The following REDIC1 variants were observed in gnomAD, a reference collection of about 807,000 sequenced individuals.
The protein encoded by REDIC1 is HEI10 Interacting Protein 1.
chr12:39,680,562 AGT>A, the REDIC1 span, among the ~76,000 whole-genome samples: 1 of 152,244 alleles, frequency 6.6e-6, no homozygotes, highest in Non-Finnish European at 1.5e-5. Context: ...TATGGAAAAC[AGT>A]ATGGAGACTC....
the REDIC1 span, among the ~76,000 whole-genome samples, chr12:39,891,677 C>T: frequency 6.6e-6 from 1 of 152,058 alleles, no homozygotes; most frequent in South Asian, 2.1e-4. Context: ...TGCAATTTTA[C>T]ATATTAGAAA....
the REDIC1 span, chr12:39,716,604 G>C: frequency 5.6e-6 from 3 of 536,590 alleles, no homozygotes; most frequent in African/African-American, 2.1e-5. Context: ...AAGGTGCCAA[G>C]TATCCACAAT....
the REDIC1 span, chr12:39,721,076 G>A: frequency 6.2e-7 from 1 of 1,613,678 alleles, no homozygotes; most frequent in Non-Finnish European, 8.5e-7. Flanking sequence ...TGTGATGCAG[G>A]GATACAAACA....
chr12:39,852,466 G>A, the REDIC1 span, among the ~76,000 whole-genome samples: 3 of 152,194 alleles, frequency 2.0e-5, no homozygotes, highest in Non-Finnish European at 4.4e-5. Context: ...ATTGCTTAGA[G>A]AATAAAGAGG....
chr12:39,712,286 CTG>C, the REDIC1 span, among the ~76,000 whole-genome samples: 82 of 124,418 alleles, frequency 6.6e-4, 1 homozygote, highest in African/African-American at 1.6e-3. Flanking sequence ...GTATATATAC[CTG>C]TATGTATATA....
At chr12:39,712,184 GTATATGTACATACATATATA>G in the REDIC1 span, among the ~76,000 whole-genome samples, 1 of 134,068 alleles carries the variant, frequency 7.5e-6, no homozygotes, top group South Asian at 2.3e-4. Flanking sequence ...ATACCTGTAT[GTATATGTACATACATATATA>G]CATATGTATA....
At chr12:39,751,076 C>T in the REDIC1 span, among the ~76,000 whole-genome samples, 1 of 152,160 alleles carries the variant, frequency 6.6e-6, no homozygotes, top group Non-Finnish European at 1.5e-5. Context: ...TCTAATTAAA[C>T]TAAAGAGCTT....
the REDIC1 span, among the ~76,000 whole-genome samples, chr12:39,847,868 T>C: frequency 5.9e-5 from 9 of 152,162 alleles, no homozygotes; most frequent in Non-Finnish European, 1.3e-4. Context: ...TACCCAAGTC[T>C]CCAACATCTC....
At chr12:39,633,406 T>C in the REDIC1 span, among the ~76,000 whole-genome samples, 1 of 152,156 alleles carries the variant, frequency 6.6e-6, no homozygotes, top group African/African-American at 2.4e-5. Context: ...GGAGCTACCA[T>C]CTCCTATGAT....
At chr12:39,732,917 G>A in the REDIC1 span, among the ~76,000 whole-genome samples, 14 of 152,214 alleles carry the variant, frequency 9.2e-5, 1 homozygote, top group South Asian at 2.9e-3. Flanking sequence ...CTTATTGTGT[G>A]TATTTTCTGC....
the REDIC1 span, among the ~76,000 whole-genome samples, chr12:39,712,153 C>CATGTATATGTACATGTATATGTACCTGT: frequency 1.1e-5 from 1 of 95,072 alleles, no homozygotes; most frequent in African/African-American, 3.4e-5. Flanking sequence ...TACATCTATA[C>CATGTATATGTACATGTATATGTACCTGT]ATGTATATGT....
the REDIC1 span, among the ~76,000 whole-genome samples, chr12:39,705,003 C>A: frequency 6.6e-6 from 1 of 151,964 alleles, no homozygotes; most frequent in Non-Finnish European, 1.5e-5. Context: ...AGTGCACCAA[C>A]ATGGCACATG....
chr12:39,756,458 T>C, the REDIC1 span: 1 of 151,840 alleles, frequency 6.6e-6, no homozygotes, highest in Non-Finnish European at 1.5e-5. Flanking sequence ...ACAAAACGTC[T>C]CATTAATTTT....
chr12:39,894,768 G>A, the REDIC1 span, among the ~76,000 whole-genome samples: 1 of 151,882 alleles, frequency 6.6e-6, no homozygotes, highest in African/African-American at 2.4e-5. Flanking sequence ...GGCAGCACAA[G>A]AATATAACAG....
At chr12:39,856,042 T>G in the REDIC1 span, among the ~76,000 whole-genome samples, 1 of 152,188 alleles carries the variant, frequency 6.6e-6, no homozygotes, top group Non-Finnish European at 1.5e-5. Context: ...GCTGTAGCCA[T>G]GAGTAGAAGT....
chr12:39,724,419 C>T, the REDIC1 span, among the ~76,000 whole-genome samples: 2 of 152,098 alleles, frequency 1.3e-5, no homozygotes, highest in East Asian at 3.9e-4. Flanking sequence ...CTGAGTTCCT[C>T]AGAAGGATTA....
chr12:39,810,994 A>C, the REDIC1 span, among the ~76,000 whole-genome samples: 388 of 152,222 alleles, frequency 2.5e-3, 2 homozygotes, highest in Admixed American at 0.022. Flanking sequence ...GAGTTTATAT[A>C]GGATTGGCAT....
chr12:39,877,933 T>G, the REDIC1 span, among the ~76,000 whole-genome samples: 1 of 152,118 alleles, frequency 6.6e-6, no homozygotes, highest in African/African-American at 2.4e-5. Context: ...TCCCTCAAGG[T>G]TTGGTGCTAA....
the REDIC1 span, among the ~76,000 whole-genome samples, chr12:39,659,349 A>T: frequency 6.6e-6 from 1 of 151,908 alleles, no homozygotes; most frequent in Non-Finnish European, 1.5e-5. Context: ...TTTATCAAAA[A>T]TTTTTATCCA....
Sources: allele counts gnomAD v4.1 joint callset (sites outside exome capture counted in the v4.1 genomes callset), GRCh38; gene constraint gnomAD v4.1.1; transcripts MANE v1.5; gene names NCBI Gene and HGNC (gene_info 2026-07-23, HGNC 2026-07-21).